Variants in ATF7IP2 observed in about 807,000 individuals in gnomAD.
The protein encoded by ATF7IP2 is activating transcription factor 7 interacting protein 2.
A neutral mutation model predicts 64.2 loss-of-function variants in ATF7IP2; 42 were observed. The ratio of observed to expected loss-of-function variants is 0.65; its 90% CI spans 0.51 to 0.85. The LOEUF (loss-of-function observed/expected upper bound fraction) is 0.85. Among genes scored for constraint, ATF7IP2 ranks in the 40% least tolerant of loss-of-function variants. The pLI, the probability that ATF7IP2 is intolerant of heterozygous loss-of-function variation, is 0.00. For synonymous variants in ATF7IP2, 308 were observed against 272.8 expected, an observed-to-expected ratio of 1.13 and a Z score of -1.27; for missense variants, 933 against 784.2, an observed-to-expected ratio of 1.19 and a Z score of -2.27.
chr16:10,391,030 C>T (rs528366495), intron 1 of ATF7IP2, among the ~76,000 whole-genome samples: 14 of 151,548 alleles, frequency 9.2e-5, no homozygotes, highest in African/African-American at 2.7e-4. Context: ...CAGTAGCATG[C>T]GCCAGTAGTC....
chr16:10,477,585 G>A (rs2050058081), intron 12 of ATF7IP2, among the ~76,000 whole-genome samples: 1 of 152,162 alleles, frequency 6.6e-6, no homozygotes, highest in Non-Finnish European at 1.5e-5. Context: ...TTGAATACTG[G>A]CACAAGACAG....
chr16:10,396,966 C>T (rs2047432506), intron 1 of ATF7IP2, among the ~76,000 whole-genome samples: 1 of 152,114 alleles, frequency 6.6e-6, no homozygotes, highest in Non-Finnish European at 1.5e-5. Flanking sequence ...CACGCCCAGC[C>T]TACATTTAAC....
At position 10,473,539 on chromosome 16, in the gene ATF7IP2, G is replaced by C; in HGVS notation, c.1482+5G>C. ...TCTCCCAATGCTGAAGTTATGGTGA[G>C]TAATAAATATTGACTCTGAATATTG... On this transcript the variant is annotated splice_donor_5th_base_variant and intron_variant, in intron 11 of 13. Transcript: ENST00000562102. The C allele has an allele frequency of 6.5e-7, 1 of 1,535,814 alleles. No homozygotes were observed. Among genetic ancestry groups the C allele is most frequent in the Non-Finnish European group, 8.9e-7 (1 of 1,118,628 alleles).
Position 10,437,787 on chromosome 16 carries a change from C to T in ATF7IP2, c.961-314C>T, listed in dbSNP as rs576211591. ...TATGGATATTAAAAAATATAAATGG[C>T]ATATAGTCTTTTAATTGTTTCTATA... On this transcript the variant is annotated intron_variant, in intron 6 of 13. Transcript: ENST00000562102. Among the ~76,000 whole-genome samples, 331 of 152,230 alleles carry T rather than the reference C, an allele frequency of 2.2e-3. 4 individuals are homozygous for T. The highest frequency in any genetic ancestry group is 0.01 in the Middle Eastern group (3 of 294).
intron 9 of ATF7IP2, among the ~76,000 whole-genome samples, chr16:10,465,785 C>T (rs1250112171): frequency 6.6e-6 from 1 of 151,612 alleles, no homozygotes; most frequent in Non-Finnish European, 1.5e-5. Flanking sequence ...TGAATAGTTT[C>T]ATGAAAGTTT....
chr16:10,392,269 C>T (rs1295264275), intron 1 of ATF7IP2, among the ~76,000 whole-genome samples: 1 of 151,610 alleles, frequency 6.6e-6, no homozygotes, highest in Non-Finnish European at 1.5e-5. Context: ...GAACTACTGA[C>T]CTCAGGTGAT....
Position 10,457,515 on chromosome 16 carries a change from G to C in ATF7IP2, c.1338G>C (p.Lys446Asn). ...TTAATTTGTCATCAGATCAAAATAA[G>C]TCTGTTTCTGAAAGGTAGGTGTTTC... is the stretch of plus-strand genomic sequence containing the variant. Reference protein sequence around the residue: ...KKINLSSDQNKSVSESNNDDV... With the variant: ...KKINLSSDQNNSVSESNNDDV... Residue 446 changes from lysine to asparagine, a missense_variant, in exon 9 of 14, where the codon AAG (lysine) becomes AAC (asparagine). Lys to Asn is a moderately conservative substitution (Grantham distance 94, BLOSUM62 0). Transcript: ENST00000562102. 1 of 1,575,688 alleles carries C rather than the reference G, an allele frequency of 6.3e-7. No homozygotes were observed. The highest frequency in any genetic ancestry group is 8.6e-7 in the Non-Finnish European group (1 of 1,166,354).
chr16:10,458,627 T>A (rs975078510), intron 9 of ATF7IP2, among the ~76,000 whole-genome samples: 1 of 152,178 alleles, frequency 6.6e-6, no homozygotes, highest in Non-Finnish European at 1.5e-5. Flanking sequence ...TTATAAAATA[T>A]TTAAGCAAGA....
At chr16:10,391,424 T>A (rs1029981413) in intron 1 of ATF7IP2, among the ~76,000 whole-genome samples, 1 of 151,752 alleles carries the variant, frequency 6.6e-6, no homozygotes, top group African/African-American at 2.4e-5. Context: ...CTGTGTCAAA[T>A]AAAAAAAGAA....
At chr16:10,447,373 C>G (rs1239882766) in intron 8 of ATF7IP2, 1 of 152,054 alleles carries the variant, frequency 6.6e-6, no homozygotes. Flanking sequence ...GGATGCATCC[C>G]CTCCCAGAAG....
chr16:10,436,163 C>A (rs1236954455), intron 6 of ATF7IP2, among the ~76,000 whole-genome samples: 3 of 152,170 alleles, frequency 2.0e-5, no homozygotes, highest in Non-Finnish European at 4.4e-5. Flanking sequence ...GAGTTCAAGA[C>A]CAGCCTGGCC....
intron 5 of ATF7IP2, among the ~76,000 whole-genome samples, chr16:10,432,987 T>C (rs1221670099): frequency 2.0e-5 from 3 of 152,190 alleles, no homozygotes; most frequent in Non-Finnish European, 4.4e-5. Flanking sequence ...TATATGTGTA[T>C]TGAGTTATTA....
chr16:10,472,017 TGTTAA>T (rs2049818788), intron 9 of ATF7IP2, 88 bp from the exon 10 acceptor site: 1 of 533,240 alleles, frequency 1.9e-6, no homozygotes, highest in Non-Finnish European at 3.2e-6. Context: ...CATTATGAAA[TGTTAA>T]GTTAGAGGAC....
intron 10 of ATF7IP2, 37 bp from the exon 11 acceptor site, chr16:10,473,442 T>G (rs779881531): frequency 1.6e-6 from 2 of 1,255,874 alleles, no homozygotes; most frequent in Admixed American, 1.8e-5. Flanking sequence ...CCATAAATAT[T>G]GTGTAATAAA....
At chr16:10,407,388 G>A (rs182633392) in intron 1 of ATF7IP2, among the ~76,000 whole-genome samples, 9 of 152,274 alleles carry the variant, frequency 5.9e-5, no homozygotes, top group East Asian at 5.8e-4. Context: ...CTAGCTAGGC[G>A]AATCAGAGGA....
chr16:10,392,823 T>TA lies in ATF7IP2; in HGVS notation c.-242+6716dup, dbSNP rs528726658. 1.8e-3 allele frequency among the ~76,000 whole-genome samples: 252 copies of TA among 140,374 alleles called. 1 individual carries two copies. The highest frequency in any genetic ancestry group is 2.2e-3 in the African/African-American group (85 of 38,178). The allele number at this position is 140,374 out of a possible 152,430, so 92.1% of individuals were successfully genotyped here. The stretch of plus-strand genomic sequence containing the variant: ...GGGCAACATAGTGAGACTCTGTCTT[T>TA]AAAAAAAAAAAAAAATTAGCTGGGT... On this transcript the variant is annotated intron_variant, in intron 1 of 13. Coordinates refer to ENST00000562102, the MANE Select transcript of ATF7IP2 (RefSeq NM_001393719.1).
intron 8 of ATF7IP2, chr16:10,447,811 T>C (rs2048860290): frequency 6.6e-6 from 1 of 152,264 alleles, no homozygotes; most frequent in African/African-American, 2.4e-5. Context: ...GAAAGATAAC[T>C]TAAAAATAGA....
chr16:10,468,788 T>C (rs888996591), intron 9 of ATF7IP2, among the ~76,000 whole-genome samples: 2 of 152,228 alleles, frequency 1.3e-5, no homozygotes, highest in Non-Finnish European at 2.9e-5. Context: ...GATTGATTCC[T>C]AGAAGTCATA....
intron 8 of ATF7IP2, among the ~76,000 whole-genome samples, chr16:10,454,547 TTGTTA>T (rs1473164522): frequency 1.3e-5 from 2 of 152,198 alleles, no homozygotes; most frequent in Non-Finnish European, 2.9e-5. Flanking sequence ...CAACCAGATT[TTGTTA>T]TTTCTATCAT....
Sources: allele counts gnomAD v4.1 joint callset (sites outside exome capture counted in the v4.1 genomes callset), GRCh38; gene constraint gnomAD v4.1.1; transcripts MANE v1.5; gene names NCBI Gene and HGNC (gene_info 2026-07-23, HGNC 2026-07-21).